The following SFMBT2 variants were observed in gnomAD, a reference collection of about 807,000 sequenced individuals.
SFMBT2 encodes the protein Scm like with four mbt domains 2.
Under a neutral mutation model 110.1 loss-of-function variants are expected in SFMBT2, and 38 were observed. The observed-to-expected ratio is 0.35, with a 90% confidence interval of 0.27 to 0.45. The LOEUF (loss-of-function observed/expected upper bound fraction) is 0.45. Ranked by LOEUF, SFMBT2 falls within the 20% of genes least tolerant of loss-of-function variation. SFMBT2 has a pLI of 1.00. For missense variants in SFMBT2, 1,011 were observed against 1,094.9 expected (o/e 0.92, Z 1.08); for synonymous variants, 425 against 425.4 (o/e 1.00, Z 0.01).
rs773552968 is a variant in SFMBT2, at chr10:7,164,791, A to ACACACC, written c.2545-882_2545-881insGGTGTG. On this transcript the variant is annotated intron_variant, in intron 20 of 20. Coordinates refer to ENST00000397167, the MANE Select transcript of SFMBT2 (RefSeq NM_001387889.1). ...CACACACACACACACACACACACAC[A>ACACACC]CCATTTACAGACACACACTCCCCAG... Among the ~76,000 whole-genome samples the ACACACC allele has an allele frequency of 5.5e-3, 613 of 110,648 alleles. 6 individuals carry two copies. The highest frequency in any genetic ancestry group is 0.015 in the African/African-American group (496 of 33,014). 72.6% of individuals were successfully genotyped at this position (110,648 alleles called of 152,430 possible).
At chr10:7,381,976 C>A in intron 1 of SFMBT2, 27 bp from the exon 2 acceptor site, 1 of 1,353,944 alleles carries the variant, frequency 7.4e-7, no homozygotes, top group Non-Finnish European at 9.9e-7. Context: ...AAAAAAAAAT[C>A]AGAGCAGTTT....
intron 4 of SFMBT2, among the ~76,000 whole-genome samples, chr10:7,314,725 T>A (rs1251181462): frequency 1.3e-5 from 2 of 151,974 alleles, no homozygotes; most frequent in Non-Finnish European, 2.9e-5. Context: ...CTGGCCAACA[T>A]GGTGAAACCC....
intron 11 of SFMBT2, chr10:7,214,586 C>T: frequency 3.0e-6 from 3 of 985,496 alleles, no homozygotes; most frequent in South Asian, 9.4e-5. Context: ...CCCCATACTG[C>T]TCCTCAAACA....
At chr10:7,248,199 G>A (rs1037904469) in intron 8 of SFMBT2, among the ~76,000 whole-genome samples, 5 of 152,242 alleles carry the variant, frequency 3.3e-5, no homozygotes, top group African/African-American at 1.2e-4. Flanking sequence ...CCATTTTCAT[G>A]TATTTTCCAA....
chr10:7,167,643 C>T (rs1338075408), intron 20 of SFMBT2, among the ~76,000 whole-genome samples: 2 of 152,018 alleles, frequency 1.3e-5, no homozygotes, highest in African/African-American at 2.4e-5. Context: ...GGCTAAATGA[C>T]GATGAACCAA....
At chr10:7,281,849 T>C (rs533229378) in intron 6 of SFMBT2, among the ~76,000 whole-genome samples, 1 of 152,176 alleles carries the variant, frequency 6.6e-6, no homozygotes, top group African/African-American at 2.4e-5. Flanking sequence ...AGAATCTTTT[T>C]TTTGTTTGTT....
At chr10:7,256,394 T>C (rs1296078109) in intron 7 of SFMBT2, among the ~76,000 whole-genome samples, 3 of 152,272 alleles carry the variant, frequency 2.0e-5, no homozygotes, top group African/African-American at 7.2e-5. Flanking sequence ...TGATAGCTAC[T>C]AACACTGATC....
intron 20 of SFMBT2, among the ~76,000 whole-genome samples, chr10:7,165,764 CTA>C (rs1837678840): frequency 6.6e-6 from 1 of 152,202 alleles, no homozygotes; most frequent in African/African-American, 2.4e-5. Context: ...TATTTTCATG[CTA>C]TGTTTATATC....
upstream of SFMBT2, among the ~76,000 whole-genome samples, chr10:7,411,065 C>CTTTTTTTT (rs766788794): frequency 2.2e-3 from 116 of 53,906 alleles, 6 homozygotes; most frequent in African/African-American, 0.01. Flanking sequence ...GCTCGGCGCT[C>CTTTTTTTT]TTTTTTTTTT....
chr10:7,376,616 G>A lies in SFMBT2; in HGVS notation c.100+5183C>T, dbSNP rs569523221. Among the ~76,000 whole-genome samples the A allele has an allele frequency of 1.1e-3, 150 of 142,746 alleles. 1 individual carries two copies. The highest frequency in any genetic ancestry group is 2.1e-3 in the Non-Finnish European group (140 of 66,026). 93.6% of individuals were successfully genotyped at this position (142,746 alleles called of 152,430 possible). ...GCGGAGGCTGAGGCAGGAGAATGGCGTGAACCCGAGAGGAGGAGCTTAAAG... is the reference window on the plus strand; with the variant it reads ...GCGGAGGCTGAGGCAGGAGAATGGCATGAACCCGAGAGGAGGAGCTTAAAG... On this transcript the variant is annotated intron_variant, in intron 2 of 20. Transcript: ENST00000397167.
At chr10:7,373,294 C>G (rs953782292) in intron 2 of SFMBT2, among the ~76,000 whole-genome samples, 1 of 152,210 alleles carries the variant, frequency 6.6e-6, no homozygotes, top group Non-Finnish European at 1.5e-5. Context: ...AGAGCGGGAA[C>G]AGCCTGAGGC....
At chr10:7,289,989 A>G (rs7920476) in intron 4 of SFMBT2, among the ~76,000 whole-genome samples, 2,238 of 152,276 alleles carry the variant, frequency 0.015, 21 homozygotes, top group Non-Finnish European at 0.024. Flanking sequence ...CAAGACTCCA[A>G]CTCAGCACTC....
intron 1 of SFMBT2, among the ~76,000 whole-genome samples, chr10:7,398,723 C>T (rs531209095): frequency 6.6e-6 from 1 of 152,238 alleles, no homozygotes; most frequent in Non-Finnish European, 1.5e-5. Flanking sequence ...TTCTCTGTCC[C>T]TTATAAATAT....
At chr10:7,404,649 G>A (rs771740520) in intron 1 of SFMBT2, among the ~76,000 whole-genome samples, 6 of 152,294 alleles carry the variant, frequency 3.9e-5, no homozygotes, top group African/African-American at 1.2e-4. Context: ...ACAGAAAAAC[G>A]CAATGGATTC....
intron 17 of SFMBT2, 152 bp downstream of exon 17, chr10:7,175,838 C>A: frequency 1.4e-6 from 1 of 701,564 alleles, no homozygotes; most frequent in South Asian, 2.0e-5. Flanking sequence ...TCTGCTACAG[C>A]AAATCCTTAA....
At chr10:7,385,812 A>C (rs956486259) in intron 1 of SFMBT2, among the ~76,000 whole-genome samples, 31 of 152,224 alleles carry the variant, frequency 2.0e-4, no homozygotes, top group Non-Finnish European at 4.1e-4. Context: ...ATCCTGGCTA[A>C]CACGGTGAAA....
intron 4 of SFMBT2, among the ~76,000 whole-genome samples, chr10:7,359,096 G>A (rs1844623901): frequency 6.6e-6 from 1 of 152,178 alleles, no homozygotes; most frequent in African/African-American, 2.4e-5. Context: ...AATAAAGGGA[G>A]GTCAACGAGG....
intron 6 of SFMBT2, among the ~76,000 whole-genome samples, chr10:7,281,390 C>T (rs117264813): frequency 0.023 from 3,478 of 152,268 alleles, 63 homozygotes; most frequent in Non-Finnish European, 0.04. Flanking sequence ...GCACACCCCC[C>T]TCCCACTGGA....
At chr10:7,342,377 G>A (rs1013216001) in intron 4 of SFMBT2, among the ~76,000 whole-genome samples, 62 of 142,754 alleles carry the variant, frequency 4.3e-4, no homozygotes, top group Non-Finnish European at 7.6e-4. Context: ...CAGAATTTAG[G>A]AATTGCACTG....
Sources: allele counts gnomAD v4.1 joint callset (sites outside exome capture counted in the v4.1 genomes callset), GRCh38; gene constraint gnomAD v4.1.1; transcripts MANE v1.5; gene names NCBI Gene and HGNC (gene_info 2026-07-23, HGNC 2026-07-21).